Variants in SNAP91 observed in about 807,000 individuals in gnomAD.
The protein encoded by SNAP91 is clathrin coat assembly protein AP180.
Under a neutral mutation model 100.3 loss-of-function variants are expected in SNAP91, and 27 were observed. The ratio of observed to expected loss-of-function variants is 0.27; its 90% confidence interval spans 0.20 to 0.37. SNAP91 has a LOEUF of 0.37. Ranked by LOEUF, SNAP91 falls within the 10% of genes least tolerant of loss-of-function variation. The pLI is 1.00. For synonymous variants in SNAP91, 404 were observed against 398.6 expected (o/e 1.01, Z -0.16); for missense variants, 986 against 1,123.7 (o/e 0.88, Z 1.75).
chr6:83,647,442 C>T (rs770989227), intron 7 of SNAP91, among the ~76,000 whole-genome samples: 1 of 152,082 alleles, frequency 6.6e-6, no homozygotes, highest in Non-Finnish European at 1.5e-5. Context: ...CTTTTATCTA[C>T]TGATATGATT....
chr6:83,668,162 T>C (rs2098720862), intron 2 of SNAP91, among the ~76,000 whole-genome samples: 1 of 152,050 alleles, frequency 6.6e-6, no homozygotes, highest in Admixed American at 6.6e-5. Context: ...ATGGTGATCA[T>C]TAAAAAGTCA....
chr6:83,569,917 T>G (rs1217352271), intron 26 of SNAP91, among the ~76,000 whole-genome samples: 1 of 152,208 alleles, frequency 6.6e-6, no homozygotes, highest in Admixed American at 6.5e-5. Context: ...GAAACCTTTT[T>G]TTTTGTAAAT....
intron 9 of SNAP91, among the ~76,000 whole-genome samples, chr6:83,618,049 A>G (rs2096570852): frequency 6.6e-6 from 1 of 151,918 alleles, no homozygotes; most frequent in Admixed American, 6.6e-5. Context: ...AGACATTCAT[A>G]TAACTGTATC....
At chr6:83,682,643 T>G (rs2099006218) in intron 2 of SNAP91, among the ~76,000 whole-genome samples, 1 of 152,082 alleles carries the variant, frequency 6.6e-6, no homozygotes, top group Non-Finnish European at 1.5e-5. Context: ...GCAGGTTAGT[T>G]ACATATGTAT....
At chr6:83,657,641 T>A (rs1457072464) in intron 6 of SNAP91, among the ~76,000 whole-genome samples, 5 of 152,178 alleles carry the variant, frequency 3.3e-5, no homozygotes, top group Non-Finnish European at 5.9e-5. Flanking sequence ...TTAACAGAGA[T>A]GCTAAGTTAC....
chr6:83,623,710 C>T (rs945836588), intron 8 of SNAP91, among the ~76,000 whole-genome samples: 1 of 152,060 alleles, frequency 6.6e-6, no homozygotes, highest in Non-Finnish European at 1.5e-5. Context: ...AGGGAATGCT[C>T]ATTTAGTTCT....
intron 2 of SNAP91, 27 bp from the exon 3 acceptor site, chr6:83,665,608 T>C (rs755801149): frequency 2.8e-5 from 44 of 1,594,054 alleles, no homozygotes; most frequent in Non-Finnish European, 2.5e-5. Context: ...TATTAATCAA[T>C]GATATTAACA....
At chr6:83,701,162 G>A (rs1052701251) in intron 2 of SNAP91, among the ~76,000 whole-genome samples, 1 of 152,118 alleles carries the variant, frequency 6.6e-6, no homozygotes, top group African/African-American at 2.4e-5. Flanking sequence ...CAGGTTGGTT[G>A]TTGAAAAGCT....
intron 26 of SNAP91, 56 bp from the exon 27 acceptor site, chr6:83,561,003 G>T: frequency 2.7e-6 from 3 of 1,125,614 alleles, no homozygotes; most frequent in South Asian, 1.5e-5. Context: ...ACAAACACAT[G>T]CACGACAATA....
intron 11 of SNAP91, 142 bp downstream of exon 11, chr6:83,614,715 A>G: frequency 1.8e-6 from 1 of 562,280 alleles, no homozygotes; most frequent in Non-Finnish European, 3.0e-6. Context: ...ACAAAAATAA[A>G]GCATAATGAA....
At chr6:83,670,609 G>A (rs907834115) in intron 2 of SNAP91, among the ~76,000 whole-genome samples, 1 of 151,548 alleles carries the variant, frequency 6.6e-6, no homozygotes, top group African/African-American at 2.4e-5. Context: ...GATTTTCTAC[G>A]TTTCTTCTAC....
In SNAP91 at chr6:83,554,181, G is replaced by GT. The variant is rs1774236427; in HGVS notation, c.*114dup. On this transcript the variant is annotated 3_prime_UTR_variant, in exon 30 of 30. Transcript: ENST00000369694. ...ACACATTTTGGAAGAGAAGTTATGA[G>GT]TAAGTATTGGGTTTGGTACTGGTGG... 1 of 188,582 alleles carries GT rather than the reference G, an allele frequency of 5.3e-6. No individual in the cohort carries two copies. The highest frequency in any genetic ancestry group is 1.1e-5 in the Non-Finnish European group (1 of 87,934). 11.7% of individuals were successfully genotyped at this position (188,582 alleles called of 1,614,324 possible).
chr6:83,575,810 A>G (rs1817766849), intron 25 of SNAP91, among the ~76,000 whole-genome samples: 1 of 152,328 alleles, frequency 6.6e-6, no homozygotes, highest in South Asian at 2.1e-4. Flanking sequence ...CGGAGATTGA[A>G]ATAGATTATT....
At chr6:83,561,404 G>C (rs1583911879) in intron 26 of SNAP91, among the ~76,000 whole-genome samples, 1 of 152,302 alleles carries the variant, frequency 6.6e-6, no homozygotes, top group Non-Finnish European at 1.5e-5. Flanking sequence ...AAATATGTAT[G>C]AGTGGATATG....
intron 6 of SNAP91, among the ~76,000 whole-genome samples, chr6:83,657,125 TA>T (rs1255874716): frequency 1.3e-5 from 2 of 152,186 alleles, no homozygotes; most frequent in Non-Finnish European, 2.9e-5. Flanking sequence ...GATTAATCCA[TA>T]GATTATTCAA....
At chr6:83,686,710 T>G (rs1486698852) in intron 2 of SNAP91, 4 of 152,246 alleles carry the variant, frequency 2.6e-5, no homozygotes, top group African/African-American at 9.6e-5. Context: ...AACAGAATGA[T>G]TCAATGGATG....
rs148901558 is a variant in SNAP91, at chr6:83,567,338, T to G, written c.2443-6391A>C. 1.9e-3 allele frequency among the ~76,000 whole-genome samples: 290 copies of G among 152,292 alleles called. 1 individual carries two copies. The highest frequency in any genetic ancestry group is 6.9e-3 in the African/African-American group (288 of 41,552). On this transcript the variant is annotated intron_variant, in intron 26 of 29. Transcript: ENST00000369694. ...GTCTTCCCACTTGTTCGATAAAAAC[T>G]TAACAGGTCTTAATTCAAGATGGAT...
chr6:83,562,945 G>A (rs1790427447), intron 26 of SNAP91, among the ~76,000 whole-genome samples: 1 of 152,176 alleles, frequency 6.6e-6, no homozygotes, highest in African/African-American at 2.4e-5. Flanking sequence ...ATTACTTACA[G>A]ATTCTGTAAT....
chr6:83,648,127 T>C (rs958139546), intron 7 of SNAP91, among the ~76,000 whole-genome samples: 1 of 152,242 alleles, frequency 6.6e-6, no homozygotes, highest in Non-Finnish European at 1.5e-5. Flanking sequence ...TCCTCCACTC[T>C]GAACCATGGG....
Sources: allele counts gnomAD v4.1 joint callset (sites outside exome capture counted in the v4.1 genomes callset), GRCh38; gene constraint gnomAD v4.1.1; transcripts MANE v1.5; gene names NCBI Gene and HGNC (gene_info 2026-07-23, HGNC 2026-07-21).